Variants in CCND2 observed in about 807,000 individuals in gnomAD.
CCND2 encodes the protein cyclin D2, also known as G1/S-specific cyclin-D2.
In CCND2, 6 loss-of-function variants were observed where a neutral mutation model predicts 30.2. The observed-to-expected ratio is 0.20, with a 90% CI of 0.11 to 0.39. The LOEUF (loss-of-function observed/expected upper bound fraction) is 0.39. CCND2 is among the 10% of genes least tolerant of loss of function. The pLI is 1.00. For synonymous variants in CCND2, 150 were observed against 153.1 expected (o/e 0.98, Z 0.15); for missense variants, 235 against 373.4 (o/e 0.63, Z 3.06).
intron 3 of CCND2, 150 bp downstream of exon 3, chr12:4,279,069 C>A: frequency 1.4e-6 from 1 of 692,450 alleles, no homozygotes; most frequent in Non-Finnish European, 2.3e-6. Flanking sequence ...AGTTTCATTC[C>A]TGGGTTGCTT....
At chr12:4,296,778 C>G (rs781026661) in intron 4 of CCND2, among the ~76,000 whole-genome samples, 1 of 151,570 alleles carries the variant, frequency 6.6e-6, no homozygotes, top group African/African-American at 2.4e-5. Flanking sequence ...GAACATTACA[C>G]GTGAACTTCC....
chr12:4,299,417 C>T lies in CCND2; in HGVS notation c.721-443C>T, dbSNP rs1384482743. Among the ~76,000 whole-genome samples, 2 of 152,182 alleles carry T rather than the reference C, an allele frequency of 1.3e-5. No homozygotes were observed. Among genetic ancestry groups the T allele is most frequent in the Admixed American group, 6.5e-5 (1 of 15,278 alleles). ...ATTGGCTTCCTTCTTATCTAGTTCT[C>T]GGGCTGAGTTTGCTAATGTCATAGC... On this transcript the variant is annotated intron_variant, in intron 4 of 4. Coordinates refer to ENST00000261254, the MANE Select transcript of CCND2 (RefSeq NM_001759.4). This position sits in a 1 kb window ranked among gnomAD's most constrained non-coding sequence, Gnocchi z 5.2.
chr12:4,282,975 C>T lies in CCND2; in HGVS notation c.571+4056C>T, dbSNP rs145605932. On this transcript the variant is annotated intron_variant, in intron 3 of 4. Transcript: ENST00000261254. The surrounding 1 kb of genome is among the most constrained non-coding windows in gnomAD (Gnocchi z 4.3). ...ACCTGGCCTTCCCTTTCTTCTTCAG[C>T]GTCAGAGTGCGTATCTCTCTCCCCC... Among the ~76,000 whole-genome samples the T allele has an allele frequency of 2.0e-5, 3 of 152,304 alleles. No individual in the cohort carries two copies. The highest frequency in any genetic ancestry group is 4.4e-5 in the Non-Finnish European group (3 of 68,008).
chr12:4,288,188 G>A (rs1046751788), intron 3 of CCND2, among the ~76,000 whole-genome samples: 4 of 151,122 alleles, frequency 2.6e-5, no homozygotes, highest in Non-Finnish European at 5.9e-5. Context: ...GCCCCCACTC[G>A]CCCACTCCCT....
rs1417464108 is a variant in CCND2, at chr12:4,281,648, G to A, written c.571+2729G>A. Among the ~76,000 whole-genome samples, 4 of 152,204 alleles carry A rather than the reference G, an allele frequency of 2.6e-5. No individual in the cohort carries two copies. In the East Asian group the frequency reaches 5.8e-4, roughly 22 times the overall value. On this transcript the variant is annotated intron_variant, in intron 3 of 4. Transcript: ENST00000261254. ...AGGGTGGGGGTCCCGAGAGATGGCCGCCAACCCTCAGGCCGTGCAGCTATT... is the reference window on the plus strand; with the variant it reads ...AGGGTGGGGGTCCCGAGAGATGGCCACCAACCCTCAGGCCGTGCAGCTATT...
Position 4,276,200 on chromosome 12 carries a change from A to G in CCND2, c.391A>G (p.Ile131Val). 1.2e-6 allele frequency: 2 copies of G among 1,614,050 alleles called. No homozygotes were observed. The highest frequency in any genetic ancestry group is 1.7e-6 in the Non-Finnish European group (2 of 1,179,946). ...EKLCIYTDNSIKPQELLEWEL... is the reference protein window; with the variant it reads ...EKLCIYTDNSVKPQELLEWEL... ...GCTGTGCATTTACACCGACAACTCC[A>G]TCAAGCCTCAGGAGCTGCTGGTAAT... Residue 131 changes from isoleucine (I) to valine (V), a missense_variant, in exon 2 of 5, where the codon ATC (isoleucine) becomes GTC (valine). Ile to Val is a conservative substitution (Grantham distance 29, BLOSUM62 3). Around this residue, in one of 2 missense-constraint regions of CCND2, gnomAD observed 178 missense variants for 322.8 expected, o/e 0.55. Coordinates refer to ENST00000261254, the MANE Select transcript of CCND2 (RefSeq NM_001759.4). The surrounding 1 kb of genome is among the most constrained non-coding windows in gnomAD (Gnocchi z 4.8).
rs142508477 is a variant in CCND2 at position 4,282,105 on chromosome 12, T to C, written c.571+3186T>C. ...GTCTGCAAGCGAGGAAAGAAGGCCATTGGAGATGACCTGGGTTCGCACTCT... is the reference window on the plus strand; with the variant it reads ...GTCTGCAAGCGAGGAAAGAAGGCCACTGGAGATGACCTGGGTTCGCACTCT... On this transcript the variant is annotated intron_variant, in intron 3 of 4. Coordinates refer to ENST00000261254, the MANE Select transcript of CCND2 (RefSeq NM_001759.4). This position sits in a 1 kb window ranked among gnomAD's most constrained non-coding sequence, Gnocchi z 4.3. 6.6e-6 allele frequency among the ~76,000 whole-genome samples: 1 copy of C among 152,274 alleles called. No individual in the cohort carries two copies. Among genetic ancestry groups the C allele is most frequent in the East Asian group, 1.9e-4 (1 of 5,172 alleles).
chr12:4,278,650 G>A (rs1167524766), intron 2 of CCND2, 110 bp from the exon 3 acceptor site: 27 of 1,019,528 alleles, frequency 2.6e-5, no homozygotes, highest in Admixed American at 2.1e-4. Context: ...TAGCAGCCAC[G>A]TCCTAATGAG....
chr12:4,283,069 G>A (rs1373716219), intron 3 of CCND2, among the ~76,000 whole-genome samples: 1 of 152,206 alleles, frequency 6.6e-6, no homozygotes, highest in African/African-American at 2.4e-5. Flanking sequence ...CCAAAATGAT[G>A]GGTGCTAAAT....
At chr12:4,298,149 G>A (rs1472418427) in intron 4 of CCND2, among the ~76,000 whole-genome samples, 1 of 152,132 alleles carries the variant, frequency 6.6e-6, no homozygotes, top group Non-Finnish European at 1.5e-5. Flanking sequence ...TTATTTTGTG[G>A]GGAAACTGAG....
intron 3 of CCND2, 104 bp from the exon 4 acceptor site, chr12:4,288,738 G>C: frequency 8.9e-7 from 1 of 1,129,940 alleles, no homozygotes; most frequent in Non-Finnish European, 1.3e-6. Flanking sequence ...GGTCACTCGC[G>C]CCGCTGACCT....
intron 2 of CCND2, among the ~76,000 whole-genome samples, chr12:4,277,740 T>C (rs1458919361): frequency 6.6e-6 from 1 of 152,226 alleles, no homozygotes; most frequent in African/African-American, 2.4e-5. Flanking sequence ...CTCTGGTTGC[T>C]GGTTTAGCAA....
chr12:4,286,673 ATCT>A (rs1406269376), intron 3 of CCND2, among the ~76,000 whole-genome samples: 3 of 152,154 alleles, frequency 2.0e-5, no homozygotes, highest in African/African-American at 7.2e-5. Flanking sequence ...TCCCCTGAAA[ATCT>A]TCTTAGTAAA....
chr12:4,287,843 C>G lies in CCND2; in HGVS notation c.572-999C>G, dbSNP rs1864044666. Among the ~76,000 whole-genome samples, 1 of 152,162 alleles carries G rather than the reference C, an allele frequency of 6.6e-6. No individual in the cohort carries two copies. Among genetic ancestry groups the G allele is most frequent in the Non-Finnish European group, 1.5e-5 (1 of 68,028 alleles). On this transcript the variant is annotated intron_variant, in intron 3 of 4. Transcript: ENST00000261254. This position sits in a 1 kb window ranked among gnomAD's most constrained non-coding sequence, Gnocchi z 4.0. ...CAAGCAGCTGCTGGATCATGGCCAC[C>G]CAGCCCCTCTGAAGGAGTGCTCGGA...
In CCND2 at chr12:4,304,686, T is replaced by A. The variant is rs1198320218; in HGVS notation, c.*4677T>A. The A allele has an allele frequency of 4.3e-6, 1 of 233,524 alleles. No individual in the cohort carries two copies. Among genetic ancestry groups the A allele is most frequent in the African/African-American group, 2.2e-5 (1 of 45,348 alleles). The allele number at this position is 233,524 out of a possible 1,614,324, so 14.5% of individuals were successfully genotyped here. A position where few individuals can be genotyped will look rare whatever the true frequency, so the allele number is the denominator to read the frequency against. The stretch of plus-strand genomic sequence containing the variant: ...CATCAGCAAATGTGTACGTGCATGC[T>A]GTAGCTGCAGCCTGCATCCCTTCGC... On this transcript the variant is annotated 3_prime_UTR_variant, in exon 5 of 5. Transcript: ENST00000261254. The surrounding 1 kb of genome is among the most constrained non-coding windows in gnomAD (Gnocchi z 6.2).
chr12:4,296,698 T>C (rs961973243), intron 4 of CCND2, among the ~76,000 whole-genome samples: 1 of 34,088 alleles, frequency 2.9e-5, no homozygotes, highest in Non-Finnish European at 7.8e-5. Flanking sequence ...TCCCTCTGCC[T>C]CTTGGGGAAA....
intron 4 of CCND2, among the ~76,000 whole-genome samples, chr12:4,295,162 T>C (rs993390920): frequency 6.6e-6 from 1 of 152,248 alleles, no homozygotes; most frequent in African/African-American, 2.4e-5. Flanking sequence ...CTCTGTCTCA[T>C]GGAAGGGAGA....
Position 4,274,121 on chromosome 12 carries a change from G to A in CCND2, c.81G>A (p.Leu27=), listed in dbSNP as rs1191733300. ...ACCTGCTCCGAGACGACCGCGTCCT[G>A]CAGAACCTGCTCACCATCGAGGAGC... is the stretch of plus-strand genomic sequence containing the variant. ...DRNLLRDDRV[L]QNLLTIEERY... Residue 27 remains leucine, a synonymous_variant, in exon 1 of 5, where the codon CTG becomes CTA. Transcript: ENST00000261254. The surrounding 1 kb of genome is among the most constrained non-coding windows in gnomAD (Gnocchi z 7.7). The A allele has an allele frequency of 6.2e-7, 1 of 1,614,076 alleles. No individual in the cohort carries two copies. Among genetic ancestry groups the A allele is most frequent in the South Asian group, 1.1e-5 (1 of 91,080 alleles).
Position 4,304,622 on chromosome 12 carries a change from G to A in CCND2, c.*4613G>A, listed in dbSNP as rs1864291692. The A allele has an allele frequency of 4.3e-6, 1 of 233,534 alleles. No homozygotes were observed. Among genetic ancestry groups the A allele is most frequent in the Non-Finnish European group, 8.5e-6 (1 of 118,046 alleles). The allele number at this position is 233,534 out of a possible 1,614,324, so 14.5% of individuals were successfully genotyped here. On this transcript the variant is annotated 3_prime_UTR_variant, in exon 5 of 5. Coordinates refer to ENST00000261254, the MANE Select transcript of CCND2 (RefSeq NM_001759.4). The surrounding 1 kb of genome is among the most constrained non-coding windows in gnomAD (Gnocchi z 6.2). Reference sequence around the variant, plus strand: ...GTGTGTCTGCTTTTAAACTTGGCTGGGCTATCAGACCCTATTCTCGGCTCA... The same window carrying A: ...GTGTGTCTGCTTTTAAACTTGGCTGAGCTATCAGACCCTATTCTCGGCTCA...
Sources: gnomAD v4.1 joint callset for allele counts (sites outside exome capture counted in the v4.1 genomes callset) on GRCh38, gnomAD v4.1.1 for gene constraint, gnomAD v4.1.1 regional missense constraint, Gnocchi (gnomAD v3.1) non-coding constraint, MANE v1.5 for transcripts, NCBI Gene and HGNC (gene_info 2026-07-23, HGNC 2026-07-21) for gene names.